The following SPPL3 variants were observed in gnomAD, a reference collection of about 807,000 sequenced individuals.
SPPL3 encodes signal peptide peptidase like 3.
A neutral mutation model predicts 42.4 loss-of-function variants in SPPL3; 5 were observed. The ratio of observed to expected loss-of-function variants is 0.12; its 90% CI spans 0.06 to 0.25. SPPL3 has a LOEUF of 0.25. Among genes scored for constraint, SPPL3 ranks in the 10% least tolerant of loss-of-function variants. The pLI is 1.00. For synonymous variants in SPPL3, 195 were observed against 181.8 expected (o/e 1.07, Z -0.58); for missense variants, 235 against 489.0 (o/e 0.48, Z 4.90).
At chr12:120,841,628 G>A (rs1871835815) in intron 1 of SPPL3, among the ~76,000 whole-genome samples, 1 of 152,192 alleles carries the variant, frequency 6.6e-6, no homozygotes, top group Admixed American at 6.5e-5. Flanking sequence ...ACTTGACTGT[G>A]TAAGTCAGAA....
chr12:120,840,019 G>A (rs1871760462), intron 1 of SPPL3, among the ~76,000 whole-genome samples: 1 of 152,118 alleles, frequency 6.6e-6, no homozygotes, highest in Non-Finnish European at 1.5e-5. Context: ...GGTGGCTCAT[G>A]CCTGTAAACC....
chr12:120,783,665 A>G lies in SPPL3; in HGVS notation c.389+9T>C. On this transcript the variant is annotated intron_variant, in intron 5 of 10. Transcript: ENST00000353487. ...TTTATAATTTAAGAGGAAAGTCCCA[A>G]GTCCTTACTTGTTCTGAGGTGAGCA... 2 of 1,602,888 alleles carry G rather than the reference A, an allele frequency of 1.2e-6. No homozygotes were observed. The highest frequency in any genetic ancestry group is 1.7e-6 in the Non-Finnish European group (2 of 1,174,500).
At chr12:120,882,477 G>A (rs900374042) in intron 1 of SPPL3, among the ~76,000 whole-genome samples, 3 of 152,034 alleles carry the variant, frequency 2.0e-5, no homozygotes, top group Admixed American at 1.3e-4. Flanking sequence ...ATACACATGT[G>A]TTTTCATGCA....
At chr12:120,809,534 CTTCCT>C (rs758205493) in intron 2 of SPPL3, among the ~76,000 whole-genome samples, 77 of 152,326 alleles carry the variant, frequency 5.1e-4, no homozygotes, top group Admixed American at 1.0e-3. Flanking sequence ...ATCCCTATTA[CTTCCT>C]TTCAAGTTCT....
At chr12:120,783,619 T>G in intron 5 of SPPL3, 55 bp downstream of exon 5, 4 of 1,483,844 alleles carry the variant, frequency 2.7e-6, no homozygotes, top group Non-Finnish European at 3.7e-6. Context: ...CTATCAAATA[T>G]GACAGAAAAA....
intron 1 of SPPL3, among the ~76,000 whole-genome samples, chr12:120,822,125 TAC>T (rs1327525810): frequency 1.3e-5 from 2 of 152,126 alleles, no homozygotes; most frequent in African/African-American, 4.8e-5. Flanking sequence ...GTTTGATGCA[TAC>T]AGAGTTTCTG....
chr12:120,766,958 C>T (rs879794958), intron 9 of SPPL3, among the ~76,000 whole-genome samples: 4 of 152,186 alleles, frequency 2.6e-5, no homozygotes, highest in Admixed American at 2.6e-4. Flanking sequence ...TTTTCCCAGC[C>T]CCATCACAAT....
intron 1 of SPPL3, among the ~76,000 whole-genome samples, chr12:120,898,800 T>C (rs1459033872): frequency 6.6e-6 from 1 of 152,228 alleles, no homozygotes; most frequent in Non-Finnish European, 1.5e-5. Context: ...CTCAATTTCC[T>C]TACTTAGCAA....
chr12:120,876,258 G>GA (rs904111353), intron 1 of SPPL3, among the ~76,000 whole-genome samples: 1 of 151,728 alleles, frequency 6.6e-6, no homozygotes, highest in East Asian at 1.9e-4. Context: ...ATTAATAGAA[G>GA]AAAAAACACT....
At chr12:120,813,567 C>T (rs995077923) in intron 1 of SPPL3, among the ~76,000 whole-genome samples, 17 of 152,012 alleles carry the variant, frequency 1.1e-4, no homozygotes, top group South Asian at 4.2e-4. Flanking sequence ...GTGATCCACC[C>T]GCCTCGGCCT....
intron 1 of SPPL3, among the ~76,000 whole-genome samples, chr12:120,866,383 G>C (rs879713655): frequency 2.6e-5 from 4 of 152,020 alleles, no homozygotes; most frequent in Non-Finnish European, 4.4e-5. Context: ...CAACACATTA[G>C]GAAATTCCTA....
At chr12:120,871,169 A>C (rs966830177) in intron 1 of SPPL3, among the ~76,000 whole-genome samples, 1 of 146,130 alleles carries the variant, frequency 6.8e-6, no homozygotes, top group Non-Finnish European at 1.5e-5. Context: ...CTGGAGGTAA[A>C]CAGTGATGAT....
intron 1 of SPPL3, among the ~76,000 whole-genome samples, chr12:120,844,518 G>A (rs1312903581): frequency 6.6e-6 from 1 of 151,858 alleles, no homozygotes; most frequent in African/African-American, 2.4e-5. Flanking sequence ...CTTCTTTCCC[G>A]ACTGCCTGCC....
intron 1 of SPPL3, among the ~76,000 whole-genome samples, chr12:120,855,152 CGA>C (rs985912551): frequency 6.6e-6 from 1 of 151,984 alleles, no homozygotes; most frequent in African/African-American, 2.4e-5. Flanking sequence ...GCAAGAATGA[CGA>C]GAGAAGGGGA....
chr12:120,845,886 CTA>C (rs1437635996), intron 1 of SPPL3, among the ~76,000 whole-genome samples: 1 of 151,902 alleles, frequency 6.6e-6, no homozygotes, highest in Non-Finnish European at 1.5e-5. Context: ...ATCTATCTAT[CTA>C]TCTATCTATC....
Position 120,806,001 on chromosome 12 carries a change from CT to C in SPPL3, c.101+4807del, listed in dbSNP as rs397710393. Among the ~76,000 whole-genome samples the C allele has an allele frequency of 6.6e-3, 878 of 132,938 alleles. 20 individuals carry two copies. The East Asian group carries it at 0.092, about 14-fold the overall frequency. 87.2% of individuals were successfully genotyped at this position (132,938 alleles called of 152,430 possible). Reference sequence around the variant, plus strand: ...CAATGCCTATCGAAATCCCTGCAGGCTTTTTTTTTTTTTTTTGGTAGAAACT... The same window carrying C: ...CAATGCCTATCGAAATCCCTGCAGGCTTTTTTTTTTTTTTTGGTAGAAACT... On this transcript the variant is annotated intron_variant, in intron 2 of 10. Coordinates refer to ENST00000353487, the MANE Select transcript of SPPL3 (RefSeq NM_139015.5).
chr12:120,782,118 C>T (rs995823677), intron 6 of SPPL3, among the ~76,000 whole-genome samples: 3 of 152,204 alleles, frequency 2.0e-5, no homozygotes, highest in African/African-American at 7.2e-5. Context: ...GATCCTCCTG[C>T]CTCAGCCTCC....
intron 1 of SPPL3, among the ~76,000 whole-genome samples, chr12:120,879,113 CAAAAA>C (rs63543261): frequency 0.14 from 9,222 of 65,070 alleles, 983 homozygotes; most frequent in African/African-American, 0.37. Context: ...AACTCTGTCT[CAAAAA>C]AAAAAAAAAA....
chr12:120,776,071 C>G (rs1193524852), intron 6 of SPPL3, among the ~76,000 whole-genome samples: 1 of 152,198 alleles, frequency 6.6e-6, no homozygotes, highest in African/African-American at 2.4e-5. Context: ...AAACACTAGT[C>G]TGAGAAACAA....
Sources: gnomAD v4.1 joint callset for allele counts (sites outside exome capture counted in the v4.1 genomes callset) on GRCh38, gnomAD v4.1.1 for gene constraint, MANE v1.5 for transcripts, NCBI Gene and HGNC (gene_info 2026-07-23, HGNC 2026-07-21) for gene names.